NF1: variants seen among roughly 807,000 people sequenced by gnomAD.
The protein encoded by NF1 is neurofibromin.
In NF1, 122 loss-of-function variants were observed where a neutral mutation model predicts 325.7. The observed-to-expected ratio is 0.37, with a 90% confidence interval of 0.32 to 0.44. The LOEUF (loss-of-function observed/expected upper bound fraction) is 0.44, where lower values mean the gene tolerates loss of function less well. Ranked by LOEUF, NF1 falls within the 20% of genes least tolerant of loss-of-function variation. NF1 has a pLI of 1.00. For synonymous variants in NF1, 1,091 were observed against 1,186.0 expected, an observed-to-expected ratio of 0.92 and a Z score of 1.65; for missense variants, 2,140 against 3,415.4, an observed-to-expected ratio of 0.63 and a Z score of 9.31.
chr17:31,294,305 C>A (rs140442807), intron 36 of NF1, among the ~76,000 whole-genome samples: 1 of 152,002 alleles, frequency 6.6e-6, no homozygotes, highest in African/African-American at 2.4e-5. Flanking sequence ...TTCTTACATG[C>A]AAAAAACACA....
intron 47 of NF1, 92 bp from the exon 48 acceptor site, chr17:31,342,912 ACTTAT>A (rs2069861397): frequency 1.4e-6 from 2 of 1,431,736 alleles, no homozygotes; most frequent in Admixed American, 1.7e-5. Flanking sequence ...TGAAAGGATT[ACTTAT>A]CTTGTCATAC....
At chr17:31,205,316 A>C (rs2066600881) in intron 11 of NF1, among the ~76,000 whole-genome samples, 2 of 152,260 alleles carry the variant, frequency 1.3e-5, no homozygotes, top group South Asian at 4.1e-4. Context: ...TGAATGTATT[A>C]TTCTTCCAGA....
chr17:31,111,260 A>T (rs1276264529), intron 1 of NF1, among the ~76,000 whole-genome samples: 2 of 152,114 alleles, frequency 1.3e-5, no homozygotes, highest in Non-Finnish European at 2.9e-5. Flanking sequence ...CCTCTGAGAC[A>T]TGTGGAACAT....
intron 48 of NF1, 136 bp downstream of exon 48, chr17:31,343,271 G>A (rs1246165774): frequency 1.9e-5 from 16 of 850,438 alleles, no homozygotes; most frequent in East Asian, 2.7e-5. Flanking sequence ...TAGGCCAGGC[G>A]TGGTGGCTCA....
rs765339408 is a variant in NF1, at chr17:31,226,593, G to A, written c.2160G>A (p.Arg720=). ...ACCTCTGTGAGGAAGCAGATATCCG[G>A]TGTGGGGTGGATGAAGTGTCAGTGC... ...FRHLCEEADI[R]CGVDEVSVHN... The change falls in exon 18 of 58, where the codon CGG becomes CGA. Residue 720 remains arginine, a synonymous_variant. Coordinates refer to ENST00000358273, the MANE Select transcript of NF1 (RefSeq NM_001042492.3). The A allele has an allele frequency of 4.3e-6, 7 of 1,613,916 alleles. No homozygotes were observed. Among genetic ancestry groups the A allele is most frequent in the Non-Finnish European group, 5.9e-6 (7 of 1,179,820 alleles).
intron 36 of NF1, chr17:31,308,036 C>T (rs571055771): frequency 5.9e-5 from 36 of 611,200 alleles, no homozygotes; most frequent in South Asian, 4.8e-4. Flanking sequence ...AAACAGTTCT[C>T]CTTTGAACTC....
At chr17:31,280,482 A>T (rs1362832792) in intron 36 of NF1, among the ~76,000 whole-genome samples, 1 of 144,404 alleles carries the variant, frequency 6.9e-6, no homozygotes, top group Admixed American at 7.2e-5. Flanking sequence ...GCGCCACTGC[A>T]CTCCAGCCTG....
Position 31,356,812 on chromosome 17 carries a change from T to C in NF1, c.7739-148T>C, listed in dbSNP as rs888239782. 105 of 1,291,104 alleles carry C rather than the reference T, an allele frequency of 8.1e-5. No individual in the cohort carries two copies. In the Admixed American group the frequency reaches 1.9e-3, roughly 24 times the overall value. The allele number at this position is 1,291,104 out of a possible 1,614,324, so 80.0% of individuals were successfully genotyped here. A position where few individuals can be genotyped will look rare whatever the true frequency, so the allele number is the denominator to read the frequency against. On this transcript the variant is annotated intron_variant, in intron 52 of 57. Coordinates refer to ENST00000358273, the MANE Select transcript of NF1 (RefSeq NM_001042492.3). ...TAAATAGGTAGCCAAAACTTTTGTG[T>C]AGGCGAATAGTAATTCTCTATGATG...
intron 36 of NF1, among the ~76,000 whole-genome samples, chr17:31,282,605 A>G (rs1348925048): frequency 2.0e-5 from 3 of 152,164 alleles, no homozygotes. Context: ...GTGGAATCAT[A>G]CAATATGTGC....
In NF1 at chr17:31,202,829, G is replaced by A. The variant is rs17881436; in HGVS notation, c.1260+1344G>A. On this transcript the variant is annotated intron_variant, in intron 11 of 57. Transcript: ENST00000358273. ...AAAAAATCACTGTACTTTTGTCAGC[G>A]TAATGAGCCAGGGCATTGTACCTTC... Among the ~76,000 whole-genome samples, 1,536 of 152,194 alleles carry A rather than the reference G, an allele frequency of 0.01. 25 individuals are homozygous for A. The highest frequency in any genetic ancestry group is 0.035 in the African/African-American group (1,445 of 41,510).
At position 31,206,411 on chromosome 17, in the gene NF1, A is replaced by C. The variant is rs186695585; in HGVS notation, c.1392+40A>C. On this transcript the variant is annotated intron_variant, in intron 12 of 57. Transcript: ENST00000358273. ...GAATTTTGAATCTCACCTCCTTTCTATTGCATTTTTTTTAGTGTCTTTATC... is the reference window on the plus strand; with the variant it reads ...GAATTTTGAATCTCACCTCCTTTCTCTTGCATTTTTTTTAGTGTCTTTATC... The C allele has an allele frequency of 7.4e-6, 12 of 1,612,074 alleles. No homozygotes were observed. The East Asian group carries it at 2.7e-4, about 36-fold the overall frequency.
intron 13 of NF1, among the ~76,000 whole-genome samples, chr17:31,216,763 C>T (rs1446733875): frequency 6.6e-6 from 1 of 152,096 alleles, no homozygotes; most frequent in Non-Finnish European, 1.5e-5. Flanking sequence ...CCATTTCTTC[C>T]ACATGTAGCA....
chr17:31,243,193 T>TGTGTGTGTGTGTGTGTGTGTGTGTGTGG (rs957078715), intron 29 of NF1, among the ~76,000 whole-genome samples: 1 of 151,306 alleles, frequency 6.6e-6, no homozygotes, highest in African/African-American at 2.4e-5. Flanking sequence ...TCTGTGTGTG[T>TGTGTGTGTGTGTGTGTGTGTGTGTGTGG]GTGTGTGTGT....
chr17:31,251,282 A>T (rs1258875974), intron 30 of NF1: 5 of 208,256 alleles, frequency 2.4e-5, no homozygotes, highest in Non-Finnish European at 4.9e-5. Context: ...TTTGGGACCT[A>T]CTGGGGAAAT....
At chr17:31,182,332 C>T (rs763499143) in intron 7 of NF1, among the ~76,000 whole-genome samples, 176 bp from the exon 8 acceptor site, 15 of 152,130 alleles carry the variant, frequency 9.9e-5, no homozygotes, top group South Asian at 2.1e-4. Context: ...AACACATAGA[C>T]AGTATTACAT....
intron 8 of NF1, among the ~76,000 whole-genome samples, chr17:31,195,268 T>C (rs1272335806): frequency 4.6e-5 from 7 of 152,196 alleles, no homozygotes; most frequent in Admixed American, 6.5e-5. Context: ...TGGTTTCTTA[T>C]GCTCTTTCTA....
At chr17:31,370,306 C>T (rs546997235) in intron 57 of NF1, among the ~76,000 whole-genome samples, 38 of 152,018 alleles carry the variant, frequency 2.5e-4, no homozygotes, top group African/African-American at 8.9e-4. Flanking sequence ...TTAATGTGCT[C>T]ATTAGGAAAA....
At chr17:31,235,878 G>A (rs2151438384) in intron 28 of NF1, 40 bp from the exon 29 acceptor site, 1 of 1,607,606 alleles carries the variant, frequency 6.2e-7, no homozygotes, top group African/African-American at 1.3e-5. Flanking sequence ...TAAAATATAT[G>A]GAGCAGGTAT....
At chr17:31,321,396 G>C (rs961182309) in intron 36 of NF1, 1 of 152,110 alleles carries the variant, frequency 6.6e-6, no homozygotes, top group Non-Finnish European at 1.5e-5. Flanking sequence ...TAGTTTGTTA[G>C]TGAGATTCTT....
Sources: allele counts gnomAD v4.1 joint callset (sites outside exome capture counted in the v4.1 genomes callset), GRCh38; gene constraint gnomAD v4.1.1; transcripts MANE v1.5; gene names NCBI Gene and HGNC (gene_info 2026-07-23, HGNC 2026-07-21).